TTC28: variants seen among roughly 807,000 people sequenced by gnomAD.
TTC28 encodes tetratricopeptide repeat protein 28.
A neutral mutation model predicts 198.0 loss-of-function variants in TTC28; 61 were observed. The ratio of observed to expected loss-of-function variants is 0.31; its 90% confidence interval spans 0.25 to 0.38. The LOEUF (loss-of-function observed/expected upper bound fraction) is 0.38. Ranked by LOEUF, TTC28 falls within the 10% of genes least tolerant of loss-of-function variation. The pLI is 1.00. For missense variants in TTC28, 2,678 were observed against 3,164.0 expected, an observed-to-expected ratio of 0.85 and a Z score of 3.69; for synonymous variants, 1,171 against 1,297.8, an observed-to-expected ratio of 0.90 and a Z score of 2.10.
At chr22:28,463,036 T>C (rs2047970632) in intron 2 of TTC28, among the ~76,000 whole-genome samples, 1 of 152,192 alleles carries the variant, frequency 6.6e-6, no homozygotes, top group Admixed American at 6.5e-5. Flanking sequence ...TTCCAAAACT[T>C]AGGCACCACA....
At chr22:28,221,618 C>A (rs987410898) in intron 5 of TTC28, among the ~76,000 whole-genome samples, 5 of 152,280 alleles carry the variant, frequency 3.3e-5, no homozygotes, top group Admixed American at 2.6e-4. Flanking sequence ...CTTGACACTC[C>A]TTAGACTGAA....
chr22:28,516,372 A>G (rs79903413), intron 2 of TTC28, among the ~76,000 whole-genome samples: 10,522 of 152,164 alleles, frequency 0.069, 534 homozygotes, highest in Non-Finnish European at 0.096. Flanking sequence ...AATCAATTCA[A>G]TTGTAAAATA....
In TTC28 at chr22:27,998,921, G is replaced by C. The variant is rs1438151045; in HGVS notation, c.4738C>G (p.Pro1580Ala). 6.4e-7 allele frequency: 1 copy of C among 1,550,792 alleles called. No homozygotes were observed. Among genetic ancestry groups the C allele is most frequent in the East Asian group, 2.4e-5 (1 of 40,922 alleles). Residue 1580 changes from proline to alanine, a missense_variant, in exon 16 of 23, where the codon CCT (proline) becomes GCT (alanine). Coordinates refer to ENST00000397906, the MANE Select transcript of TTC28 (RefSeq NM_001145418.2). ...TCGTCCTGCACCCGCAAGGACTCAG[G>C]GATCGTGTAGGGGTGGCCGAAGGAG... The part of the protein sequence containing the change: ...KSSFGHPYTI[P>A]ESLRVQDDAS...
chr22:28,181,501 T>TA (rs1923693362), intron 5 of TTC28, among the ~76,000 whole-genome samples: 1 of 152,178 alleles, frequency 6.6e-6, no homozygotes, highest in South Asian at 2.1e-4. Flanking sequence ...AATTACACCA[T>TA]AAAAACTGCC....
At chr22:28,512,474 G>T (rs2048702777) in intron 2 of TTC28, among the ~76,000 whole-genome samples, 1 of 152,166 alleles carries the variant, frequency 6.6e-6, no homozygotes, top group Non-Finnish European at 1.5e-5. Context: ...ATACATGTAT[G>T]TATATGTTCA....
chr22:28,030,315 C>T lies in TTC28; in HGVS notation c.3984G>A (p.Gln1328=). ...TESEAGDIMD[Q]QFEEMNNKLN... ...GTTTGTTGTTCATCTCTTCAAATTGCTGGTCCATGATGTCTCCCGCTTCAC... is the reference window on the plus strand; with the variant it reads ...GTTTGTTGTTCATCTCTTCAAATTGTTGGTCCATGATGTCTCCCGCTTCAC... Residue 1328 remains glutamine, a synonymous_variant, in exon 13 of 23, where the codon CAG becomes CAA. Coordinates refer to ENST00000397906, the MANE Select transcript of TTC28 (RefSeq NM_001145418.2). The T allele has an allele frequency of 6.4e-7, 1 of 1,551,834 alleles. No homozygotes were observed. The highest frequency in any genetic ancestry group is 8.7e-7 in the Non-Finnish European group (1 of 1,147,032).
chr22:28,095,068 GAGA>G (rs1177882649), intron 11 of TTC28, among the ~76,000 whole-genome samples: 1 of 152,112 alleles, frequency 6.6e-6, no homozygotes, highest in South Asian at 2.1e-4. Context: ...CAACCACAGA[GAGA>G]AGGAGTTTGA....
chr22:27,984,373 A>T (rs1037919224), intron 22 of TTC28, among the ~76,000 whole-genome samples: 3 of 152,118 alleles, frequency 2.0e-5, no homozygotes, highest in African/African-American at 4.8e-5. Flanking sequence ...GTCACCAATG[A>T]GGTCCACACT....
chr22:27,978,411 G>C lies in TTC28; in HGVS notation c.*3810C>G, dbSNP rs1465145901. 1 of 152,230 alleles carries C rather than the reference G, an allele frequency of 6.6e-6. No individual in the cohort carries two copies. The highest frequency in any genetic ancestry group is 1.5e-5 in the Non-Finnish European group (1 of 68,046). 9.4% of individuals were successfully genotyped at this position (152,230 alleles called of 1,614,324 possible). A position where few individuals can be genotyped will look rare whatever the true frequency, so the allele number is the denominator to read the frequency against. On this transcript the variant is annotated 3_prime_UTR_variant, in exon 23 of 23. Transcript: ENST00000397906. ...TTGCCTACTTACTGAAAGCAAACCA[G>C]ATTATTGCATGGCATTTTTCCAGCC...
chr22:28,630,550 A>G (rs1184360331), intron 1 of TTC28, among the ~76,000 whole-genome samples: 1 of 152,164 alleles, frequency 6.6e-6, no homozygotes, highest in African/African-American at 2.4e-5. Flanking sequence ...TACTAGCCTC[A>G]AGAGATCTTT....
At chr22:28,073,053 G>A (rs1941051484) in intron 12 of TTC28, among the ~76,000 whole-genome samples, 1 of 152,190 alleles carries the variant, frequency 6.6e-6, no homozygotes, top group African/African-American at 2.4e-5. Context: ...CCTGGCATGG[G>A]AGAAAAGAAG....
intron 2 of TTC28, among the ~76,000 whole-genome samples, chr22:28,531,066 C>T (rs1289646160): frequency 1.3e-5 from 2 of 152,072 alleles, no homozygotes; most frequent in Admixed American, 6.6e-5. Flanking sequence ...CAATATTAAC[C>T]TTAAATGTAA....
At chr22:27,999,327 G>C in intron 15 of TTC28, 67 bp from the exon 16 acceptor site, 1 of 1,481,660 alleles carries the variant, frequency 6.7e-7, no homozygotes, top group Non-Finnish European at 9.0e-7. Flanking sequence ...GGCAGTGGTC[G>C]GCCGAGCACA....
At chr22:28,589,419 T>C (rs867931239) in intron 2 of TTC28, among the ~76,000 whole-genome samples, 3 of 152,176 alleles carry the variant, frequency 2.0e-5, no homozygotes, top group Admixed American at 6.5e-5. Flanking sequence ...AAGCCAGCAT[T>C]AGCCACCATG....
chr22:28,066,617 C>T (rs1249174717), intron 12 of TTC28, among the ~76,000 whole-genome samples: 2 of 152,060 alleles, frequency 1.3e-5, no homozygotes, highest in African/African-American at 4.8e-5. Context: ...TCTTTATTTT[C>T]CCCTTAAAAT....
intron 2 of TTC28, among the ~76,000 whole-genome samples, chr22:28,375,002 C>G (rs2046388053): frequency 1.3e-5 from 2 of 151,724 alleles, no homozygotes; most frequent in Admixed American, 1.3e-4. Context: ...GCGGGAGGAT[C>G]GCCTGAGCCC....
At chr22:28,384,436 G>A (rs2046542926) in intron 2 of TTC28, among the ~76,000 whole-genome samples, 1 of 151,952 alleles carries the variant, frequency 6.6e-6, no homozygotes, top group South Asian at 2.1e-4. Flanking sequence ...TTCTTCTTCT[G>A]AGTACTTATC....
At chr22:28,279,143 C>T (rs1226604166) in intron 5 of TTC28, among the ~76,000 whole-genome samples, 2 of 152,076 alleles carry the variant, frequency 1.3e-5, no homozygotes, top group Non-Finnish European at 2.9e-5. Flanking sequence ...TAACATAATC[C>T]ATAGTAAGAT....
At chr22:28,374,783 G>A (rs1166486215) in intron 2 of TTC28, among the ~76,000 whole-genome samples, 5 of 152,212 alleles carry the variant, frequency 3.3e-5, no homozygotes, top group African/African-American at 7.2e-5. Context: ...GCAGGTTCGA[G>A]CGATTCTCCT....
Sources: gnomAD v4.1 joint callset for allele counts (sites outside exome capture counted in the v4.1 genomes callset) on GRCh38, gnomAD v4.1.1 for gene constraint, MANE v1.5 for transcripts, NCBI Gene and HGNC (gene_info 2026-07-23, HGNC 2026-07-21) for gene names.